The following LGSN variants were observed in gnomAD, a reference collection of about 807,000 sequenced individuals.
LGSN encodes lengsin, lens protein with glutamine synthetase domain.
Under a neutral mutation model 19.5 loss-of-function variants are expected in LGSN, and 21 were observed. The observed-to-expected ratio is 1.07, with a 90% CI of 0.76 to 1.55. The LOEUF (loss-of-function observed/expected upper bound fraction) is 1.55, where lower values mean the gene tolerates loss of function less well. Among genes scored for constraint, LGSN ranks in the 40% most tolerant of loss-of-function variants. The pLI, the probability that LGSN is intolerant of heterozygous loss-of-function variation, is 0.00. For synonymous variants in LGSN, 257 were observed against 215.6 expected (o/e 1.19, Z -1.68); for missense variants, 673 against 608.5 (o/e 1.11, Z -1.12).
the LGSN span, among the ~76,000 whole-genome samples, chr6:63,349,229 A>G: frequency 6.6e-6 from 1 of 152,226 alleles, no homozygotes; most frequent in Admixed American, 6.5e-5. Flanking sequence ...AATAAACTTA[A>G]TCAGAACTGT....
At chr6:63,365,206 GA>G in the LGSN span, among the ~76,000 whole-genome samples, 3 of 151,946 alleles carry the variant, frequency 2.0e-5, no homozygotes, top group African/African-American at 7.2e-5. Context: ...TAATAAAGAA[GA>G]AAAGAGAGAA....
chr6:63,403,593 A>T, the LGSN span, among the ~76,000 whole-genome samples: 1 of 152,184 alleles, frequency 6.6e-6, no homozygotes, highest in Non-Finnish European at 1.5e-5. Context: ...ACCAAAAAAT[A>T]GTTTCGGGGG....
At chr6:63,568,671 CAAT>C in the LGSN span, among the ~76,000 whole-genome samples, 1 of 146,528 alleles carries the variant, frequency 6.8e-6, no homozygotes, top group Non-Finnish European at 1.5e-5. Flanking sequence ...AAAAAAAAAA[CAAT>C]ATTTGCAAAG....
At chr6:63,394,338 G>C in the LGSN span, among the ~76,000 whole-genome samples, 72 of 152,296 alleles carry the variant, frequency 4.7e-4, no homozygotes, top group African/African-American at 1.7e-3. Context: ...AACCAAGATG[G>C]AGATGAAAGT....
At chr6:63,421,859 T>A in the LGSN span, among the ~76,000 whole-genome samples, 3 of 152,148 alleles carry the variant, frequency 2.0e-5, no homozygotes, top group Non-Finnish European at 4.4e-5. Context: ...TCCTCACAGT[T>A]CTGGAGGGAA....
At chr6:63,377,880 C>T in the LGSN span, among the ~76,000 whole-genome samples, 1 of 139,634 alleles carries the variant, frequency 7.2e-6, no homozygotes, top group African/African-American at 2.7e-5. Context: ...TGCCATTGCA[C>T]TCCAGCCTGG....
chr6:63,366,768 C>A, the LGSN span, among the ~76,000 whole-genome samples: 2 of 152,028 alleles, frequency 1.3e-5, no homozygotes, highest in Non-Finnish European at 2.9e-5. Context: ...CAGAATAGAG[C>A]CCTTGGAAAT....
At chr6:63,365,943 A>T in the LGSN span, among the ~76,000 whole-genome samples, 208 of 152,348 alleles carry the variant, frequency 1.4e-3, no homozygotes, top group Admixed American at 3.9e-3. Context: ...GTATCTCAAA[A>T]TAATAAGAGC....
chr6:63,291,413 G>A (rs998581063), intron 2 of LGSN, among the ~76,000 whole-genome samples: 1 of 152,196 alleles, frequency 6.6e-6, no homozygotes, highest in Non-Finnish European at 1.5e-5. Flanking sequence ...CAGTGGGATG[G>A]TTGGGGAGCA....
chr6:63,371,967 C>T, the LGSN span, among the ~76,000 whole-genome samples: 6 of 152,270 alleles, frequency 3.9e-5, no homozygotes, highest in Admixed American at 3.9e-4. Context: ...ATGAGAAAGG[C>T]TTTTACTCTA....
At chr6:63,359,999 C>G in the LGSN span, among the ~76,000 whole-genome samples, 3 of 152,220 alleles carry the variant, frequency 2.0e-5, no homozygotes, top group Non-Finnish European at 4.4e-5. Context: ...CCCCCACTCT[C>G]TTCTGGATTG....
intron 1 of LGSN, among the ~76,000 whole-genome samples, chr6:63,316,473 A>G (rs975317299): frequency 1.3e-5 from 2 of 152,212 alleles, no homozygotes; most frequent in African/African-American, 2.4e-5. Flanking sequence ...AAGGAAAAAC[A>G]TAATTTTACA....
chr6:63,310,262 G>T (rs1025496206), intron 1 of LGSN, among the ~76,000 whole-genome samples: 1 of 152,076 alleles, frequency 6.6e-6, no homozygotes, highest in African/African-American at 2.4e-5. Context: ...ATTACAAAAT[G>T]ATTAATGTTC....
At chr6:63,362,561 G>A in the LGSN span, among the ~76,000 whole-genome samples, 1 of 152,176 alleles carries the variant, frequency 6.6e-6, no homozygotes, top group South Asian at 2.1e-4. Context: ...CCCCCGCCTG[G>A]CTCAGAGGGT....
the LGSN span, among the ~76,000 whole-genome samples, chr6:63,377,193 T>G: frequency 6.6e-6 from 1 of 152,236 alleles, no homozygotes; most frequent in Non-Finnish European, 1.5e-5. Context: ...CACTTAGTAT[T>G]CTGAAACCAG....
At chr6:63,288,396 G>T (rs1183782379) in intron 2 of LGSN, among the ~76,000 whole-genome samples, 1 of 151,554 alleles carries the variant, frequency 6.6e-6, no homozygotes, top group Admixed American at 6.6e-5. Context: ...ATGATGTGGG[G>T]CAAGTATAGA....
rs918688580 is a variant in LGSN, at chr6:63,276,917, G to A, written c.*3104C>T. The A allele has an allele frequency of 1.3e-5, 2 of 152,168 alleles. No individual in the cohort carries two copies. Among genetic ancestry groups the A allele is most frequent in the African/African-American group, 4.8e-5 (2 of 41,440 alleles). The allele number at this position is 152,168 out of a possible 1,614,324, so 9.4% of individuals were successfully genotyped here. On this transcript the variant is annotated 3_prime_UTR_variant, in exon 4 of 4. Coordinates refer to ENST00000370657, the MANE Select transcript of LGSN (RefSeq NM_016571.3). The stretch of plus-strand genomic sequence containing the variant: ...CATGTACCTACCCCAATTTGTCTTT[G>A]GCCCTGAACTCTGCTGGCCAATGCC...
chr6:63,516,989 A>G, the LGSN span, among the ~76,000 whole-genome samples: 1 of 152,140 alleles, frequency 6.6e-6, no homozygotes, highest in South Asian at 2.1e-4. Flanking sequence ...AGAGAAATAA[A>G]CCATTGACCG....
chr6:63,430,558 G>A, the LGSN span, among the ~76,000 whole-genome samples: 1 of 151,816 alleles, frequency 6.6e-6, no homozygotes, highest in Non-Finnish European at 1.5e-5. Flanking sequence ...CTGGTCAATT[G>A]TTGTATTTTT....
Sources: gnomAD v4.1 joint callset for allele counts (sites outside exome capture counted in the v4.1 genomes callset) on GRCh38, gnomAD v4.1.1 for gene constraint, MANE v1.5 for transcripts, NCBI Gene and HGNC (gene_info 2026-07-23, HGNC 2026-07-21) for gene names.